KIF15: variants seen among roughly 807,000 people sequenced by gnomAD.
KIF15 encodes the protein kinesin family member 15, also known as kinesin-like protein KIF15.
KIF15 carries 140 observed loss-of-function variants against 190.6 expected under a neutral mutation model. The ratio of observed to expected loss-of-function variants is 0.73; its 90% CI spans 0.64 to 0.84. The LOEUF (loss-of-function observed/expected upper bound fraction) is 0.84, where lower values mean the gene tolerates loss of function less well. KIF15 is among the 40% of genes least tolerant of loss of function. The probability of loss-of-function intolerance (pLI) is 0.00; values close to 1 mark genes in which losing one functional copy is unlikely to be tolerated. For missense variants in KIF15, 1,372 were observed against 1,584.4 expected, an observed-to-expected ratio of 0.87 and a Z score of 2.28; for synonymous variants, 528 against 551.3, an observed-to-expected ratio of 0.96 and a Z score of 0.59.
intron 27 of KIF15, among the ~76,000 whole-genome samples, chr3:44,839,601 G>C (rs1444408566): frequency 6.6e-6 from 1 of 152,124 alleles, no homozygotes; most frequent in African/African-American, 2.4e-5. Context: ...ACCATGCCCT[G>C]CAGTAGATCT....
chr3:44,816,166 A>G (rs1468065331), intron 20 of KIF15, among the ~76,000 whole-genome samples: 1 of 152,238 alleles, frequency 6.6e-6, no homozygotes, highest in South Asian at 2.1e-4. Context: ...CCATATCTCT[A>G]TCTCACTGAA....
At position 44,803,000 on chromosome 3, in the gene KIF15, T is replaced by A; in HGVS notation, c.1687+9T>A. On this transcript the variant is annotated intron_variant, in intron 14 of 34. Transcript: ENST00000326047. ...GGAGAAAAGTGACAAAAGTAAGAAA[T>A]GATTGTTGTATATACGTGCCATGTA... 6.3e-7 allele frequency: 1 copy of A among 1,590,226 alleles called. No homozygotes were observed. The highest frequency in any genetic ancestry group is 1.7e-4 in the Middle Eastern group (1 of 5,890).
chr3:44,775,709 C>T (rs1705850954), intron 3 of KIF15, among the ~76,000 whole-genome samples: 1 of 151,854 alleles, frequency 6.6e-6, no homozygotes, highest in Admixed American at 6.5e-5. Context: ...CCGCCTCAGC[C>T]TCCCAAAGTG....
chr3:44,818,306 T>C (rs565498615), intron 20 of KIF15, among the ~76,000 whole-genome samples: 27 of 152,366 alleles, frequency 1.8e-4, no homozygotes, highest in Non-Finnish European at 3.5e-4. Flanking sequence ...AGAGAGGGCA[T>C]CCCTGTCTTG....
At chr3:44,796,420 A>G (rs1219255237) in intron 8 of KIF15, among the ~76,000 whole-genome samples, 3 of 152,210 alleles carry the variant, frequency 2.0e-5, no homozygotes, top group African/African-American at 7.2e-5. Flanking sequence ...CTTTACATAT[A>G]TTAATTCATT....
intron 22 of KIF15, 34 bp from the exon 23 acceptor site, chr3:44,827,425 A>G (rs148736619): frequency 6.9e-6 from 10 of 1,443,456 alleles, no homozygotes; most frequent in Middle Eastern, 1.8e-4. Flanking sequence ...TCATTGAGTG[A>G]AGTCAGGGGT....
intron 14 of KIF15, 96 bp from the exon 15 acceptor site, chr3:44,804,931 C>T (rs1707424053): frequency 7.7e-7 from 1 of 1,292,034 alleles, no homozygotes; most frequent in Non-Finnish European, 1.1e-6. Flanking sequence ...TATGATCATG[C>T]TTGTGAATAG....
intron 6 of KIF15, chr3:44,863,499 C>T (rs1180680108): frequency 6.6e-6 from 1 of 152,176 alleles, no homozygotes; most frequent in Non-Finnish European, 1.5e-5. Flanking sequence ...GGTGGTGTTT[C>T]CCTCAGGCAA....
chr3:44,835,634 CAG>C (rs1333807819), intron 26 of KIF15, among the ~76,000 whole-genome samples: 16 of 152,026 alleles, frequency 1.1e-4, no homozygotes, highest in African/African-American at 3.9e-4. Flanking sequence ...AACAATAATG[CAG>C]AGAGATTTCT....
rs1193987182 is a variant in KIF15, at chr3:44,808,689, A to G, written c.1972-2157A>G. Among the ~76,000 whole-genome samples the G allele has an allele frequency of 2.6e-5, 4 of 151,060 alleles. No individual in the cohort carries two copies. In the East Asian group the frequency reaches 5.9e-4, roughly 22 times the overall value. ...AGGGATATGCCTTAGATCTTTCCACATTAACTGGTACCTAGAGCCTCATTT... is the reference window on the plus strand; with the variant it reads ...AGGGATATGCCTTAGATCTTTCCACGTTAACTGGTACCTAGAGCCTCATTT... On this transcript the variant is annotated intron_variant, in intron 16 of 34. Coordinates refer to ENST00000326047, the MANE Select transcript of KIF15 (RefSeq NM_020242.3).
rs1267865776 is a variant in KIF15, at chr3:44,826,439, A to G, written c.2765A>G (p.Glu922Gly). 3 of 1,611,598 alleles carry G rather than the reference A, an allele frequency of 1.9e-6. No homozygotes were observed. Among genetic ancestry groups the G allele is most frequent in the Non-Finnish European group, 2.5e-6 (3 of 1,178,132 alleles). ...AACAAATTATCATTACAGTTTGAAG[A>G]AGATAAAGAAAACAGTTCTAAGTGA... ...RNNKLSLQFE[E>G]DKENSSKEIL... The change falls in exon 22 of 35, where the codon GAA becomes GGA. Residue 922 changes from glutamate (E) to glycine (G), a missense_variant. Physicochemically the swap from Glu to Gly is moderately conservative, Grantham distance 98. Coordinates refer to ENST00000326047, the MANE Select transcript of KIF15 (RefSeq NM_020242.3).
At chr3:44,864,072 C>T (rs1157425248) in intron 6 of KIF15, 2 of 1,190,424 alleles carry the variant, frequency 1.7e-6, no homozygotes, top group East Asian at 4.7e-5. Context: ...CTGAGGCCCT[C>T]TGAGCTGTAG....
chr3:44,843,153 G>A lies in KIF15; in HGVS notation c.3614G>A (p.Arg1205His), dbSNP rs149974125. The change falls in exon 30 of 35, where the codon CGC (arginine) becomes CAC (histidine). Residue 1205 changes from arginine (R) to histidine (H), a missense_variant. Physicochemically the swap from Arg to His is conservative, Grantham distance 29. Transcript: ENST00000326047. Reference protein sequence around the residue: ...KEQLREMENLRLESQQLIEKN... With the variant: ...KEQLREMENLHLESQQLIEKN... The stretch of plus-strand genomic sequence containing the variant: ...CAGTTGCGTGAAATGGAAAACCTAC[G>A]CCTGGAAAGTCAGCAGTTAATAGAG... The A allele has an allele frequency of 3.7e-6, 6 of 1,613,092 alleles. No individual in the cohort carries two copies. Among genetic ancestry groups the A allele is most frequent in the Admixed American group, 3.3e-5 (2 of 59,876 alleles).
At chr3:44,821,197 G>A in intron 20 of KIF15, among the ~76,000 whole-genome samples, 1 of 149,488 alleles carries the variant, frequency 6.7e-6, no homozygotes. Context: ...TTCCCAGTAG[G>A]GGCGGCTGGG....
At chr3:44,825,252 A>G (rs1290808337) in intron 20 of KIF15, among the ~76,000 whole-genome samples, 1 of 152,216 alleles carries the variant, frequency 6.6e-6, no homozygotes, top group Admixed American at 6.5e-5. Flanking sequence ...ATATCTATAT[A>G]GTTTATGCCA....
chr3:44,860,877 G>A (rs1474264823), intron 6 of KIF15, among the ~76,000 whole-genome samples: 1 of 152,106 alleles, frequency 6.6e-6, no homozygotes, highest in African/African-American at 2.4e-5. Flanking sequence ...TAACTAAATA[G>A]ACATATAGAA....
intron 6 of KIF15, among the ~76,000 whole-genome samples, chr3:44,868,125 C>A (rs551047108): frequency 9.8e-5 from 15 of 152,292 alleles, no homozygotes; most frequent in Non-Finnish European, 1.9e-4. Context: ...ATTCCATCCT[C>A]CCCCAGGCCC....
At chr3:44,787,518 A>G (rs774278717) in intron 7 of KIF15, among the ~76,000 whole-genome samples, 50 of 152,166 alleles carry the variant, frequency 3.3e-4, no homozygotes, top group Admixed American at 3.3e-4. Flanking sequence ...CCAGCTGTTT[A>G]AATTGAGACT....
intron 18 of KIF15, among the ~76,000 whole-genome samples, chr3:44,812,813 C>T (rs899210419): frequency 2.6e-5 from 4 of 152,066 alleles, no homozygotes; most frequent in South Asian, 2.1e-4. Context: ...GGCGAAACCC[C>T]GTCTCTACTA....
Sources: allele counts gnomAD v4.1 joint callset (sites outside exome capture counted in the v4.1 genomes callset), GRCh38; gene constraint gnomAD v4.1.1; transcripts MANE v1.5; gene names NCBI Gene and HGNC (gene_info 2026-07-23, HGNC 2026-07-21).